UGP2: variants seen among roughly 807,000 people sequenced by gnomAD.
UGP2 encodes the protein UDP-glucose pyrophosphorylase 2, also known as UTP--glucose-1-phosphate uridylyltransferase.
Under a neutral mutation model 49.0 loss-of-function variants are expected in UGP2, and 40 were observed. That is an observed-to-expected ratio of 0.82 (90% CI 0.63 to 1.06). The LOEUF is 1.06. Ranked by LOEUF, UGP2 falls within the 50% of genes least tolerant of loss-of-function variation. UGP2 has a pLI of 0.00. For missense variants in UGP2, 460 were observed against 603.5 expected (o/e 0.76, Z 2.49); for synonymous variants, 225 against 213.0 (o/e 1.06, Z -0.49).
intron 3 of UGP2, among the ~76,000 whole-genome samples, chr2:63,859,625 A>G (rs181099007): frequency 4.6e-5 from 7 of 152,296 alleles, no homozygotes; most frequent in Admixed American, 4.6e-4. Flanking sequence ...GGCTATGCCC[A>G]TGTAGTGAGC....
At chr2:63,862,560 A>G (rs1281326982) in intron 3 of UGP2, among the ~76,000 whole-genome samples, 6 of 152,160 alleles carry the variant, frequency 3.9e-5, no homozygotes, top group Admixed American at 3.3e-4. Flanking sequence ...AGAAATAGCA[A>G]TAGCAAATAC....
chr2:63,870,897 C>T (rs1670504016), intron 3 of UGP2, among the ~76,000 whole-genome samples: 1 of 152,088 alleles, frequency 6.6e-6, no homozygotes, highest in African/African-American at 2.4e-5. Context: ...AAGAGCTGCA[C>T]CAGATTCACT....
At chr2:63,889,967 T>G in intron 8 of UGP2, 114 bp from the exon 9 acceptor site, 2 of 760,226 alleles carry the variant, frequency 2.6e-6, no homozygotes, top group Non-Finnish European at 4.4e-6. Flanking sequence ...ACAGAGGACC[T>G]GAGCTTTGCC....
chr2:63,877,950 G>A (rs920483516), intron 3 of UGP2, among the ~76,000 whole-genome samples: 6 of 128,854 alleles, frequency 4.7e-5, no homozygotes, highest in Admixed American at 2.9e-4. Context: ...CCGAGATTGC[G>A]CCACTGCAGT....
intron 3 of UGP2, among the ~76,000 whole-genome samples, chr2:63,862,055 T>C (rs1427647111): frequency 6.6e-6 from 1 of 151,856 alleles, no homozygotes; most frequent in East Asian, 1.9e-4. Context: ...AAGAAAAAAA[T>C]CTTGAGGCAA....
At chr2:63,879,865 A>G (rs1318552817) in intron 3 of UGP2, among the ~76,000 whole-genome samples, 2 of 151,860 alleles carry the variant, frequency 1.3e-5, no homozygotes, top group Non-Finnish European at 3.0e-5. Context: ...TAGTCAAAAC[A>G]TAAATAGGTA....
rs1235243583 is a variant in UGP2, at chr2:63,886,533, G to T, written c.1066G>T (p.Ala356Ser). The change falls in exon 7 of 10, where the codon GCA becomes TCA. Residue 356 changes from alanine (A) to serine (S), a missense_variant. Transcript: ENST00000337130. Reference sequence around the variant, plus strand: ...CATTGACATGGAAATCATTGTGAATGCAAAGGTAAGCCAAGGTTGTGGCCC... The same window carrying T: ...CATTGACATGGAAATCATTGTGAATTCAAAGGTAAGCCAAGGTTGTGGCCC... ...NAIDMEIIVN[A>S]KTLDGGLNVI... The T allele has an allele frequency of 1.9e-6, 3 of 1,614,020 alleles. No individual in the cohort carries two copies. In the African/African-American group the frequency reaches 4.0e-5, roughly 22 times the overall value.
intron 3 of UGP2, among the ~76,000 whole-genome samples, chr2:63,864,899 A>G (rs1480060820): frequency 6.6e-6 from 1 of 152,216 alleles, no homozygotes; most frequent in Non-Finnish European, 1.5e-5. Context: ...CAAGTGAACA[A>G]GATAGTCAAG....
intron 2 of UGP2, 77 bp downstream of exon 2, chr2:63,856,510 G>T (rs1035612085): frequency 1.4e-6 from 2 of 1,478,108 alleles, no homozygotes; most frequent in Non-Finnish European, 1.8e-6. Context: ...TGCCGGTGAT[G>T]ATGATAATCA....
chr2:63,874,913 C>G (rs1268471139), intron 3 of UGP2, among the ~76,000 whole-genome samples: 1 of 152,130 alleles, frequency 6.6e-6, no homozygotes, highest in Non-Finnish European at 1.5e-5. Context: ...ATGCTGACAC[C>G]ATGCTTCTTT....
chr2:63,857,469 T>A lies in UGP2; in HGVS notation c.148-360T>A, dbSNP rs62136368. The A allele has an allele frequency of 4.2e-3, 1,560 of 370,716 alleles. 10 individuals carry two copies. The highest frequency in any genetic ancestry group is 6.2e-3 in the Admixed American group (203 of 32,950). 23.0% of individuals were successfully genotyped at this position (370,716 alleles called of 1,614,324 possible). A position where few individuals can be genotyped will look rare whatever the true frequency, so the allele number is the denominator to read the frequency against. Reference sequence around the variant, plus strand: ...GCCTCAACTTCCTGGGCTCAAGTGATCCTCCCACCTCAGCCCCCGAGTAGG... The same window carrying A: ...GCCTCAACTTCCTGGGCTCAAGTGAACCTCCCACCTCAGCCCCCGAGTAGG... On this transcript the variant is annotated intron_variant, in intron 2 of 9. Transcript: ENST00000337130.
chr2:63,848,854 C>G (rs906962232), intron 1 of UGP2, among the ~76,000 whole-genome samples: 1 of 152,210 alleles, frequency 6.6e-6, no homozygotes, highest in Non-Finnish European at 1.5e-5. Context: ...ATTGGTGATG[C>G]AGGCATCTCC....
chr2:63,887,749 C>T, intron 8 of UGP2, 105 bp downstream of exon 8: 2 of 1,406,400 alleles, frequency 1.4e-6, no homozygotes, highest in East Asian at 2.3e-5. Flanking sequence ...TACCACTGAC[C>T]TGTTGTATTC....
chr2:63,886,818 A>G (rs1439646335), intron 7 of UGP2, among the ~76,000 whole-genome samples: 1 of 152,118 alleles, frequency 6.6e-6, no homozygotes, highest in Non-Finnish European at 1.5e-5. Context: ...TTGCTCTGAC[A>G]CTCATAGGTC....
Position 63,853,206 on chromosome 2 carries a change from C to T in UGP2, c.20-3100C>T, listed in dbSNP as rs1007564921. ...TTGAGTAATGGAACCCCATAAAGAG[C>T]TTTTCTAGGAGGAATATTCACAAAT... On this transcript the variant is annotated intron_variant, in intron 1 of 9. Coordinates refer to ENST00000337130, the MANE Select transcript of UGP2 (RefSeq NM_006759.4). 1.3e-4 allele frequency among the ~76,000 whole-genome samples: 20 copies of T among 152,106 alleles called. 1 individual carries two copies. The South Asian group carries it at 3.7e-3, about 28-fold the overall frequency.
intron 3 of UGP2, 183 bp downstream of exon 3, chr2:63,858,119 T>C: frequency 1.7e-6 from 1 of 585,750 alleles, no homozygotes; most frequent in South Asian, 2.1e-5. Flanking sequence ...TCCCTTCTTT[T>C]AGACCTCTGA....
At chr2:63,879,311 T>C (rs902062053) in intron 3 of UGP2, among the ~76,000 whole-genome samples, 1 of 152,206 alleles carries the variant, frequency 6.6e-6, no homozygotes, top group African/African-American at 2.4e-5. Flanking sequence ...TATTGAATTA[T>C]TTGAAAACAT....
chr2:63,878,593 G>A (rs771255417), intron 3 of UGP2, among the ~76,000 whole-genome samples: 10 of 152,120 alleles, frequency 6.6e-5, no homozygotes, highest in Non-Finnish European at 1.3e-4. Flanking sequence ...GACTCAGAAC[G>A]TGGGCAGATA....
Position 63,885,773 on chromosome 2 carries a change from A to ATC in UGP2, c.760_761insTC (p.Asn254IlefsTer15). The ATC allele has an allele frequency of 1.9e-6, 3 of 1,613,986 alleles. No individual in the cohort carries two copies. Among genetic ancestry groups the ATC allele is most frequent in the Non-Finnish European group, 2.5e-6 (3 of 1,179,968 alleles). ...GTATATTTTTGTGTCTAACATAGAT[A>ATC]ATCTGGGTGCCACAGTGGATCTGTA... On this transcript the variant is annotated frameshift_variant, in exon 6 of 10. Transcript: ENST00000337130. LOFTEE classifies it high-confidence loss of function.
Sources: gnomAD v4.1 joint callset for allele counts (sites outside exome capture counted in the v4.1 genomes callset) on GRCh38, gnomAD v4.1.1 for gene constraint, MANE v1.5 for transcripts, NCBI Gene and HGNC (gene_info 2026-07-23, HGNC 2026-07-21) for gene names.